PNLDC1: variants seen among roughly 807,000 people sequenced by gnomAD.
PNLDC1 encodes the protein PARN like ribonuclease domain containing exonuclease 1.
In PNLDC1, 70 loss-of-function variants were observed where a neutral mutation model predicts 82.0. The ratio of observed to expected loss-of-function variants is 0.85; its 90% confidence interval spans 0.70 to 1.04. PNLDC1 has a LOEUF of 1.04. PNLDC1 is among the 50% of genes least tolerant of loss of function. The pLI, the probability that PNLDC1 is intolerant of heterozygous loss-of-function variation, is 0.00. For synonymous variants in PNLDC1, 280 were observed against 249.3 expected (o/e 1.12, Z -1.16); for missense variants, 631 against 661.1 (o/e 0.95, Z 0.50).
rs199551314 is a variant in PNLDC1 at position 159,801,065 on chromosome 6, G to A, written c.135-48G>A. 1.5e-5 allele frequency: 24 copies of A among 1,597,986 alleles called. 1 individual carries two copies. Among genetic ancestry groups the A allele is most frequent in the South Asian group, 1.1e-4 (10 of 90,756 alleles). ...GTCCTGCCGCGGAGGCCATAGTGCCGGGATGGGATGTCATTGCTCGTGGAA... is the reference window on the plus strand; with the variant it reads ...GTCCTGCCGCGGAGGCCATAGTGCCAGGATGGGATGTCATTGCTCGTGGAA... On this transcript the variant is annotated intron_variant, in intron 2 of 18. Coordinates refer to ENST00000392167, the MANE Select transcript of PNLDC1 (RefSeq NM_001271862.2).
In PNLDC1 at chr6:159,813,669, A is replaced by AT. The variant is rs770144339; in HGVS notation, c.995+15dup. 6.2e-7 allele frequency: 1 copy of AT among 1,612,876 alleles called. No individual in the cohort carries two copies. Among genetic ancestry groups the AT allele is most frequent in the Non-Finnish European group, 8.5e-7 (1 of 1,178,868 alleles). On this transcript the variant is annotated intron_variant, in intron 12 of 18. Coordinates refer to ENST00000392167, the MANE Select transcript of PNLDC1 (RefSeq NM_001271862.2). ...AAGTCCTGAACAGGTGAGGACGGCGATTCCTGGAGCTACTGCTGGAGCGGC... is the reference window on the plus strand; with the variant it reads ...AAGTCCTGAACAGGTGAGGACGGCGATTTCCTGGAGCTACTGCTGGAGCGGC...
rs147363042 is a variant in PNLDC1 at position 159,804,086 on chromosome 6, A to G, written c.370A>G (p.Lys124Glu). ...FLNQYGFNYN[K>E]FLKNGIPYMN... is the part of the protein sequence containing the mutation. ...GAATCAGTATGGCTTCAACTATAAC[A>G]AGGTATGGCATTGGAGGAGGGGAAC... Residue 124 changes from lysine (K) to glutamate (E), a missense_variant and splice_region_variant, in exon 5 of 19, where the codon AAG becomes GAG. Physicochemically the swap from Lys to Glu is moderately conservative, Grantham distance 56. Coordinates refer to ENST00000392167, the MANE Select transcript of PNLDC1 (RefSeq NM_001271862.2). The G allele has an allele frequency of 3.0e-5, 48 of 1,612,814 alleles. No homozygotes were observed. Among genetic ancestry groups the G allele is most frequent in the Non-Finnish European group, 3.7e-5 (44 of 1,179,738 alleles).
rs756978290 is a variant in PNLDC1 at position 159,818,564 on chromosome 6, C to T, written c.1167C>T (p.Pro389=). Reference sequence around the variant, plus strand: ...TTTTCTGTCCTTGCAGCATCGACCCCGTGCCCGAGTCATCCTTTCCTCAGT... The same window carrying T: ...TTTTCTGTCCTTGCAGCATCGACCCTGTGCCCGAGTCATCCTTTCCTCAGT... The part of the protein sequence containing the change: ...LLLQKIYHID[P]VPESSFPQYL... The change falls in exon 16 of 19, where the codon CCC becomes CCT. Residue 389 remains proline, a synonymous_variant. Transcript: ENST00000392167. The T allele has an allele frequency of 1.3e-5, 21 of 1,613,572 alleles. No individual in the cohort carries two copies. The highest frequency in any genetic ancestry group is 7.7e-5 in the South Asian group (7 of 91,086).
intron 18 of PNLDC1, among the ~76,000 whole-genome samples, chr6:159,820,076 G>GGTGGAGTCAGCGAC (rs1482910076): frequency 6.6e-6 from 1 of 152,178 alleles, no homozygotes; most frequent in Non-Finnish European, 1.5e-5. Flanking sequence ...GGGGCAGCGG[G>GGTGGAGTCAGCGAC]GTGGAGTCAG....
At chr6:159,806,180 G>GA in intron 7 of PNLDC1, 97 bp downstream of exon 7, 9 of 910,882 alleles carry the variant, frequency 9.9e-6, no homozygotes, top group Non-Finnish European at 1.6e-5. Flanking sequence ...TGGGATCCTG[G>GA]TCCCAAGTGC....
chr6:159,811,904 GTTTTGT>G, intron 11 of PNLDC1, 118 bp downstream of exon 11: 1 of 791,806 alleles, frequency 1.3e-6, no homozygotes. Context: ...GTTTTGTTTT[GTTTTGT>G]TTTGTTTGAG....
rs1781652622 is a variant in PNLDC1, at chr6:159,811,752, T to C, written c.905T>C (p.Ile302Thr). 1 of 1,613,756 alleles carries C rather than the reference T, an allele frequency of 6.2e-7. No individual in the cohort carries two copies. Residue 302 changes from isoleucine (I) to threonine (T), a missense_variant, in exon 11 of 19, where the codon ATT (isoleucine) becomes ACT (threonine). Coordinates refer to ENST00000392167, the MANE Select transcript of PNLDC1 (RefSeq NM_001271862.2). Reference protein sequence around the residue: ...QNIHSLFPVLIDTKSVTKDIW... With the variant: ...QNIHSLFPVLTDTKSVTKDIW... ...ATCCACAGCCTATTTCCTGTTCTCATTGATACCAAGAGTGTAACAAAGGAT... is the reference window on the plus strand; with the variant it reads ...ATCCACAGCCTATTTCCTGTTCTCACTGATACCAAGAGTGTAACAAAGGAT...
chr6:159,808,963 A>G (rs1459865350), intron 8 of PNLDC1, 52 bp from the exon 9 acceptor site: 10 of 1,601,548 alleles, frequency 6.2e-6, no homozygotes, highest in Non-Finnish European at 8.5e-6. Flanking sequence ...CCATTTCTTT[A>G]GGCCTCATTC....
At chr6:159,800,165 G>A (rs947632449), upstream of PNLDC1, 3 of 689,988 alleles carry the variant, frequency 4.3e-6, no homozygotes, top group South Asian at 2.1e-5. Flanking sequence ...AGCAGCACAC[G>A]GGGAAGCTGG....
At chr6:159,808,476 A>C (rs1468522508) in intron 7 of PNLDC1, among the ~76,000 whole-genome samples, 3 of 151,692 alleles carry the variant, frequency 2.0e-5, no homozygotes, top group Non-Finnish European at 4.4e-5. Context: ...AATAGCTGTA[A>C]CTCACATAAA....
Position 159,804,076 on chromosome 6 carries a change from C to T in PNLDC1, c.360C>T (p.Phe120=), listed in dbSNP as rs1583167038. ...TTCAGTTTTTGAATCAGTATGGCTT[C>T]AACTATAACAAGGTATGGCATTGGA... ...SSVQFLNQYG[F]NYNKFLKNGI... Residue 120 remains phenylalanine, a synonymous_variant, in exon 5 of 19, where the codon TTC becomes TTT. Transcript: ENST00000392167. 1 of 1,613,540 alleles carries T rather than the reference C, an allele frequency of 6.2e-7. No individual in the cohort carries two copies.
chr6:159,804,121 TTTTG>T (rs1297197794), intron 5 of PNLDC1, 33 bp downstream of exon 5: 6 of 1,607,482 alleles, frequency 3.7e-6, no homozygotes. Context: ...CGGGAATGTC[TTTTG>T]TTTGTTTCTG....
intron 12 of PNLDC1, among the ~76,000 whole-genome samples, chr6:159,815,370 G>C (rs1338754859): frequency 3.3e-5 from 5 of 152,180 alleles, no homozygotes; most frequent in Non-Finnish European, 7.4e-5. Context: ...GGTTTCTGAA[G>C]CCCCTGCCTG....
Position 159,809,035 on chromosome 6 carries a change from T to TA in PNLDC1, c.663dup (p.Gln222ThrfsTer12). The TA allele has an allele frequency of 2.5e-6, 4 of 1,613,166 alleles. No individual in the cohort carries two copies. Among genetic ancestry groups the TA allele is most frequent in the African/African-American group, 1.3e-5 (1 of 74,920 alleles). On this transcript the variant is annotated frameshift_variant, in exon 9 of 19. Coordinates refer to ENST00000392167, the MANE Select transcript of PNLDC1 (RefSeq NM_001271862.2). LOFTEE classifies it high-confidence loss of function. ...TTCAGGTGGTAGTGAAGAAAGTGAG[T>TA]AAACAACATCGTTGGTATCTTCAGA...
intron 12 of PNLDC1, among the ~76,000 whole-genome samples, chr6:159,814,469 C>G (rs1781750234): frequency 7.2e-5 from 11 of 152,176 alleles, no homozygotes. Flanking sequence ...CAGACCTCAG[C>G]ATCTAGGACA....
chr6:159,804,860 G>A (rs983461831), intron 6 of PNLDC1, among the ~76,000 whole-genome samples: 3 of 152,202 alleles, frequency 2.0e-5, no homozygotes, highest in Admixed American at 6.5e-5. Context: ...CTCTCACTGC[G>A]TTGAGTGTGA....
Position 159,804,103 on chromosome 6 carries a change from G to A in PNLDC1, c.372+15G>A, listed in dbSNP as rs1007105391. Reference sequence around the variant, plus strand: ...ACTATAACAAGGTATGGCATTGGAGGAGGGGAACGGGAATGTCTTTTGTTT... The same window carrying A: ...ACTATAACAAGGTATGGCATTGGAGAAGGGGAACGGGAATGTCTTTTGTTT... On this transcript the variant is annotated intron_variant, in intron 5 of 18. Transcript: ENST00000392167. 1.3e-5 allele frequency: 21 copies of A among 1,611,988 alleles called. No individual in the cohort carries two copies. Among genetic ancestry groups the A allele is most frequent in the Non-Finnish European group, 1.8e-5 (21 of 1,179,274 alleles).
Position 159,820,463 on chromosome 6 carries a change from C to T in PNLDC1, c.1542C>T (p.Gly514=), listed in dbSNP as rs1380194474. The T allele has an allele frequency of 1.2e-6, 2 of 1,614,120 alleles. No homozygotes were observed. Among genetic ancestry groups the T allele is most frequent in the East Asian group, 2.2e-5 (1 of 44,880 alleles). The change falls in exon 19 of 19, where the codon GGC becomes GGT. Residue 514 remains glycine, a synonymous_variant. Coordinates refer to ENST00000392167, the MANE Select transcript of PNLDC1 (RefSeq NM_001271862.2). ...PNVNCLLQVC[G]IVTAWALLAF... Reference sequence around the variant, plus strand: ...TGTCATTGTCTTGCAGAGTCTGTGGCATAGTGACTGCCTGGGCCCTTCTCG... The same window carrying T: ...TGTCATTGTCTTGCAGAGTCTGTGGTATAGTGACTGCCTGGGCCCTTCTCG...
At chr6:159,814,775 G>GT (rs1781760451) in intron 12 of PNLDC1, among the ~76,000 whole-genome samples, 1 of 152,168 alleles carries the variant, frequency 6.6e-6, no homozygotes, top group Non-Finnish European at 1.5e-5. Context: ...CTGTGCCTCA[G>GT]TTTAACTATC....
Sources: gnomAD v4.1 joint callset for allele counts (sites outside exome capture counted in the v4.1 genomes callset) on GRCh38, gnomAD v4.1.1 for gene constraint, MANE v1.5 for transcripts, NCBI Gene and HGNC (gene_info 2026-07-23, HGNC 2026-07-21) for gene names.